PARD3B: variants seen among roughly 807,000 people sequenced by gnomAD.
PARD3B encodes par-3 family cell polarity regulator beta.
Under a neutral mutation model 130.2 loss-of-function variants are expected in PARD3B, and 103 were observed. That is an observed-to-expected ratio of 0.79 (90% CI 0.67 to 0.93). PARD3B has a LOEUF of 0.93. Ranked by LOEUF, PARD3B falls within the 40% of genes least tolerant of loss-of-function variation. The pLI, the probability that PARD3B is intolerant of heterozygous loss-of-function variation, is 0.00. For missense variants in PARD3B, 1,609 were observed against 1,499.2 expected (o/e 1.07, Z -1.21); for synonymous variants, 583 against 553.2 (o/e 1.05, Z -0.76).
chr2:204,791,605 C>G (rs1422074135), intron 2 of PARD3B, among the ~76,000 whole-genome samples: 1 of 152,204 alleles, frequency 6.6e-6, no homozygotes, highest in Non-Finnish European at 1.5e-5. Flanking sequence ...GACTCTTTTT[C>G]AGTGGCTTAC....
intron 3 of PARD3B, among the ~76,000 whole-genome samples, chr2:205,022,512 T>A (rs1326863988): frequency 1.3e-5 from 2 of 152,338 alleles, no homozygotes; most frequent in South Asian, 4.1e-4. Flanking sequence ...AATATTGTTC[T>A]TTTTCTCTGT....
intron 2 of PARD3B, among the ~76,000 whole-genome samples, chr2:204,776,264 T>C (rs1318013244): frequency 6.6e-6 from 1 of 152,180 alleles, no homozygotes; most frequent in Non-Finnish European, 1.5e-5. Context: ...GTGAGTGAGT[T>C]ACAAGGGGAG....
chr2:205,194,258 T>TGAA (rs2036552551), intron 15 of PARD3B, among the ~76,000 whole-genome samples: 1 of 152,200 alleles, frequency 6.6e-6, no homozygotes, highest in Non-Finnish European at 1.5e-5. Context: ...TTTCTGTTAC[T>TGAA]CACTTACAGG....
intron 5 of PARD3B, 73 bp from the exon 6 acceptor site, chr2:205,113,418 G>A (rs2125597752): frequency 2.3e-6 from 2 of 874,694 alleles, no homozygotes; most frequent in Non-Finnish European, 3.8e-6. Context: ...GTGTGTGTGT[G>A]TGTGTATTTT....
intron 18 of PARD3B, among the ~76,000 whole-genome samples, chr2:205,320,175 AAGAGAG>A (rs56949957): frequency 2.4e-5 from 3 of 126,494 alleles, no homozygotes; most frequent in Admixed American, 8.6e-5. Flanking sequence ...GAAAGAAAGA[AAGAGAG>A]AGAGAGAGAG....
chr2:205,556,665 G>T (rs960229543), intron 22 of PARD3B, among the ~76,000 whole-genome samples: 3 of 152,158 alleles, frequency 2.0e-5, no homozygotes, highest in African/African-American at 7.2e-5. Context: ...TTTGGAAAGC[G>T]GAGTGTGGTT....
At chr2:205,451,926 A>T (rs1391475087) in intron 20 of PARD3B, among the ~76,000 whole-genome samples, 1 of 152,122 alleles carries the variant, frequency 6.6e-6, no homozygotes, top group Admixed American at 6.5e-5. Context: ...ATTCTTTCTA[A>T]CTATTTCTTT....
intron 16 of PARD3B, among the ~76,000 whole-genome samples, chr2:205,260,595 C>T (rs1226689914): frequency 6.6e-6 from 1 of 152,064 alleles, no homozygotes; most frequent in Non-Finnish European, 1.5e-5. Context: ...TTTGTTTCTT[C>T]TGGAGTACTG....
At chr2:205,033,477 A>G (rs1697571155) in intron 3 of PARD3B, among the ~76,000 whole-genome samples, 1 of 152,116 alleles carries the variant, frequency 6.6e-6, no homozygotes, top group African/African-American at 2.4e-5. Flanking sequence ...GCTTTCTGGT[A>G]ATGTTTTCTA....
intron 12 of PARD3B, among the ~76,000 whole-genome samples, chr2:205,175,302 G>A (rs1041827804): frequency 1.3e-5 from 2 of 152,128 alleles, no homozygotes; most frequent in Admixed American, 1.3e-4. Flanking sequence ...CTTTAATTTA[G>A]GACTAGCTTA....
intron 2 of PARD3B, among the ~76,000 whole-genome samples, chr2:204,711,850 C>T (rs1182660020): frequency 1.3e-5 from 2 of 152,098 alleles, no homozygotes; most frequent in Non-Finnish European, 1.5e-5. Flanking sequence ...ACCCCGCCAA[C>T]TATTCTTACC....
At chr2:204,641,758 T>A (rs1354779624) in intron 1 of PARD3B, among the ~76,000 whole-genome samples, 1 of 152,218 alleles carries the variant, frequency 6.6e-6, no homozygotes, top group Non-Finnish European at 1.5e-5. Context: ...GTGTTTAGAA[T>A]GCTGAAAATA....
At chr2:204,771,817 A>G (rs901358628) in intron 2 of PARD3B, among the ~76,000 whole-genome samples, 6 of 152,090 alleles carry the variant, frequency 3.9e-5, no homozygotes, top group African/African-American at 7.2e-5. Flanking sequence ...AAGAATGGCA[A>G]TACTTTATGT....
Position 205,125,696 on chromosome 2 carries a change from G to A in PARD3B, c.1393G>A (p.Val465Ile). Reference sequence around the variant, plus strand: ...CAAGCAGGGGGAGACAGCATCGCTGGTCATTGCCCGCCAAGAAGGACATTT... The same window carrying A: ...CAAGCAGGGGGAGACAGCATCGCTGATCATTGCCCGCCAAGAAGGACATTT... ...STKQGETASL[V>I]IARQEGHFLP... is the part of the protein sequence containing the mutation. Residue 465 changes from valine (V) to isoleucine (I), a missense_variant, in exon 10 of 23, where the codon GTC (valine) becomes ATC (isoleucine). Coordinates refer to ENST00000406610, the MANE Select transcript of PARD3B (RefSeq NM_001302769.2). The surrounding 1 kb of genome is among the most constrained non-coding windows in gnomAD (Gnocchi z 4.0). The A allele has an allele frequency of 1.2e-6, 2 of 1,614,154 alleles. No individual in the cohort carries two copies. The highest frequency in any genetic ancestry group is 1.7e-6 in the Non-Finnish European group (2 of 1,180,040).
intron 2 of PARD3B, among the ~76,000 whole-genome samples, chr2:204,847,210 A>T (rs1488830979): frequency 7.1e-6 from 1 of 140,024 alleles, no homozygotes; most frequent in East Asian, 2.1e-4. Flanking sequence ...TGTTTTAACT[A>T]CGTTGATAGG....
At chr2:205,610,570 C>T (rs2105790968) in intron 22 of PARD3B, among the ~76,000 whole-genome samples, 1 of 152,270 alleles carries the variant, frequency 6.6e-6, no homozygotes, top group Non-Finnish European at 1.5e-5. Flanking sequence ...GCTGAGCTCA[C>T]TGGGAAGTCA....
rs796534134 is a variant in PARD3B, at chr2:204,637,730, C to CT, written c.121-48439dup. 9.1e-4 allele frequency among the ~76,000 whole-genome samples: 130 copies of CT among 143,210 alleles called. 1 individual carries two copies. The highest frequency in any genetic ancestry group is 1.1e-3 in the African/African-American group (44 of 39,188). 94.0% of individuals were successfully genotyped at this position (143,210 alleles called of 152,430 possible). On this transcript the variant is annotated intron_variant, in intron 1 of 22. Coordinates refer to ENST00000406610, the MANE Select transcript of PARD3B (RefSeq NM_001302769.2). ...GATACCTTTAGCAAATTGGTTACAG[C>CT]TTTTTTTTTTTTCCCTCTGTCCCCC...
At chr2:204,977,811 CAAAAAAAAAAAA>C (rs35974349) in intron 3 of PARD3B, among the ~76,000 whole-genome samples, 3 of 59,024 alleles carry the variant, frequency 5.1e-5, no homozygotes, top group African/African-American at 1.4e-4. Flanking sequence ...GACTCCGGCT[CAAAAAAAAAAAA>C]AAAAAAAAAA....
chr2:205,526,151 A>T (rs910755228), intron 21 of PARD3B, among the ~76,000 whole-genome samples: 1 of 152,196 alleles, frequency 6.6e-6, no homozygotes, highest in Non-Finnish European at 1.5e-5. Flanking sequence ...TTGAACATAG[A>T]TTCTGTTTCA....
Sources: gnomAD v4.1 joint callset for allele counts (sites outside exome capture counted in the v4.1 genomes callset) on GRCh38, gnomAD v4.1.1 for gene constraint, Gnocchi (gnomAD v3.1) non-coding constraint, MANE v1.5 for transcripts, NCBI Gene and HGNC (gene_info 2026-07-23, HGNC 2026-07-21) for gene names.